The following RGL3 variants were observed in gnomAD, a reference collection of about 807,000 sequenced individuals.
RGL3 encodes the protein ral guanine nucleotide dissociation stimulator like 3, also known as ral guanine nucleotide dissociation stimulator-like 3.
A neutral mutation model predicts 90.6 loss-of-function variants in RGL3; 85 were observed. The observed-to-expected ratio is 0.94, with a 90% CI of 0.79 to 1.12. The LOEUF (loss-of-function observed/expected upper bound fraction) is 1.12, where lower values mean the gene tolerates loss of function less well. Among genes scored for constraint, RGL3 ranks in the 50% most tolerant of loss-of-function variants. The pLI is 0.00. For synonymous variants in RGL3, 408 were observed against 385.5 expected (o/e 1.06, Z -0.68); for missense variants, 1,034 against 939.2 (o/e 1.10, Z -1.32).
intron 5 of RGL3, chr19:11,408,733 G>A (rs1436336424): frequency 6.6e-6 from 1 of 152,198 alleles, no homozygotes; most frequent in East Asian, 1.9e-4. Context: ...GCCTCCAAAT[G>A]TATCTCCAGA....
At chr19:11,408,691 T>C (rs543275102) in intron 5 of RGL3, 4 of 152,324 alleles carry the variant, frequency 2.6e-5, no homozygotes, top group African/African-American at 9.6e-5. Flanking sequence ...AGGGGAAACT[T>C]TGGAAACTGG....
At chr19:11,414,519 A>ACC (rs1568342080) in intron 5 of RGL3, among the ~76,000 whole-genome samples, 119 of 105,412 alleles carry the variant, frequency 1.1e-3, no homozygotes, top group East Asian at 2.4e-3. Flanking sequence ...ATATATATAT[A>ACC]TATATATATA....
Position 11,397,437 on chromosome 19 carries a change from C to A in RGL3, c.1899+8G>T. On this transcript the variant is annotated splice_region_variant and intron_variant, in intron 17 of 18. Transcript: ENST00000380456. The stretch of plus-strand genomic sequence containing the variant: ...AGCCTCCAGCAGACCCCCAGCCCAG[C>A]CCCTCACCAAGATGCTTCGATACAG... The A allele has an allele frequency of 2.5e-6, 4 of 1,600,008 alleles. No homozygotes were observed. Among genetic ancestry groups the A allele is most frequent in the Non-Finnish European group, 2.6e-6 (3 of 1,171,290 alleles).
chr19:11,409,502 C>A (rs1219316989), intron 5 of RGL3, among the ~76,000 whole-genome samples: 2 of 151,204 alleles, frequency 1.3e-5, no homozygotes, highest in Non-Finnish European at 3.0e-5. Flanking sequence ...CAAAACAAAA[C>A]AAACAAACAA....
Position 11,405,232 on chromosome 19 carries a change from C to G in RGL3, c.1101-1G>C, listed in dbSNP as rs201101636. 20 of 1,614,032 alleles carry G rather than the reference C, an allele frequency of 1.2e-5. 1 individual carries two copies. In the Middle Eastern group the frequency reaches 4.9e-4, roughly 40 times the overall value. On this transcript the variant is annotated splice_acceptor_variant, in intron 8 of 18. Transcript: ENST00000380456. LOFTEE classifies it high-confidence loss of function. Reference sequence around the variant, plus strand: ...TTTCCTGAAAGTAGATAGCGGTTCCCTGGAAGGACAGGAGAAGGGTGGTCA... The same window carrying G: ...TTTCCTGAAAGTAGATAGCGGTTCCGTGGAAGGACAGGAGAAGGGTGGTCA...
intron 13 of RGL3, among the ~76,000 whole-genome samples, chr19:11,400,549 C>G (rs908663588): frequency 2.6e-5 from 4 of 151,840 alleles, no homozygotes; most frequent in Admixed American, 6.6e-5. Flanking sequence ...CAAATTGGGT[C>G]AGGATTAAAG....
At chr19:11,396,065 T>G (rs570090376) in intron 18 of RGL3, among the ~76,000 whole-genome samples, 1 of 133,274 alleles carries the variant, frequency 7.5e-6, no homozygotes, top group South Asian at 2.4e-4. Context: ...GTAGTTGGAG[T>G]TGGGAATACA....
intron 18 of RGL3, among the ~76,000 whole-genome samples, chr19:11,396,747 C>T (rs1452723932): frequency 6.6e-6 from 1 of 150,574 alleles, no homozygotes; most frequent in Non-Finnish European, 1.5e-5. Context: ...TCACTGCAAC[C>T]TCCGCCTCCC....
rs1430301032 is a variant in RGL3, at chr19:11,415,994, C to T, written c.580G>A (p.Asp194Asn). Residue 194 changes from aspartate (D) to asparagine (N), a missense_variant, in exon 5 of 19, where the codon GAT becomes AAT. Coordinates refer to ENST00000380456, the MANE Select transcript of RGL3 (RefSeq NM_001035223.4). ...EAQKAEKLLE[D>N]FLEEAEREQE... is the part of the protein sequence containing the mutation. ...TCTCGCTCAGCCTCCTCCAAAAAAT[C>T]TTCCAGAAGCTTCTCTGCTTTTTGA... 6.2e-7 allele frequency: 1 copy of T among 1,614,022 alleles called. No homozygotes were observed. Among genetic ancestry groups the T allele is most frequent in the Admixed American group, 1.7e-5 (1 of 59,968 alleles).
intron 18 of RGL3, among the ~76,000 whole-genome samples, chr19:11,396,556 T>C (rs1044592254): frequency 2.6e-5 from 4 of 151,848 alleles, no homozygotes; most frequent in African/African-American, 4.8e-5. Context: ...TCCACCCACC[T>C]TGACCTCCCA....
intron 10 of RGL3, 47 bp from the exon 11 acceptor site, chr19:11,402,588 T>C (rs1389445473): frequency 6.2e-7 from 1 of 1,609,272 alleles, no homozygotes; most frequent in Non-Finnish European, 8.5e-7. Context: ...ACTGACCCCA[T>C]CACCATCCAC....
At chr19:11,397,804 T>C (rs766213419) in intron 16 of RGL3, 5 of 412,970 alleles carry the variant, frequency 1.2e-5, no homozygotes, top group Non-Finnish European at 2.1e-5. Flanking sequence ...AGGTCGGGAG[T>C]TCAAGACCAG....
At position 11,416,951 on chromosome 19, in the gene RGL3, G is replaced by C; in HGVS notation, c.256C>G (p.Arg86Gly). ...RLVGELVFGDREQDPSFMPAF... is the reference protein window; with the variant it reads ...RLVGELVFGDGEQDPSFMPAF... The stretch of plus-strand genomic sequence containing the variant: ...GGCATGAAGCTGGGGTCCTGCTCAC[G>C]GTCTCCAAACACCAACTCTCCCACC... Residue 86 changes from arginine to glycine, a missense_variant, in exon 3 of 19, where the codon CGT (arginine) becomes GGT (glycine). Coordinates refer to ENST00000380456, the MANE Select transcript of RGL3 (RefSeq NM_001035223.4). 6.2e-7 allele frequency: 1 copy of C among 1,613,986 alleles called. No homozygotes were observed. Among genetic ancestry groups the C allele is most frequent in the Non-Finnish European group, 8.5e-7 (1 of 1,180,000 alleles).
At chr19:11,419,127 A>G in intron 1 of RGL3, 119 bp downstream of exon 1, 1 of 1,026,574 alleles carries the variant, frequency 9.7e-7, no homozygotes, top group African/African-American at 1.7e-5. Flanking sequence ...AGTCCCCAGG[A>G]GGGGACTCCA....
chr19:11,396,960 G>A (rs996233242), intron 18 of RGL3, among the ~76,000 whole-genome samples: 5 of 152,104 alleles, frequency 3.3e-5, no homozygotes, highest in African/African-American at 9.7e-5. Flanking sequence ...GAGCCACTGC[G>A]CCTGGCCGGA....
At chr19:11,412,309 T>C (rs1218313016) in intron 5 of RGL3, among the ~76,000 whole-genome samples, 1 of 151,072 alleles carries the variant, frequency 6.6e-6, no homozygotes, top group Non-Finnish European at 1.5e-5. Context: ...AGTAAGCCTG[T>C]TGTCAGACAT....
At chr19:11,416,216 C>CAT in intron 4 of RGL3, 68 bp from the exon 5 acceptor site, 1 of 628,364 alleles carries the variant, frequency 1.6e-6, no homozygotes. Context: ...CTCCTGGTAC[C>CAT]TTTTTTTTTT....
chr19:11,415,930 C>T lies in RGL3; in HGVS notation c.637+7G>A. ...TCAGAACACGACTGGATCTGAAAAC[C>T]CCTCACCTGTCCACACCTGAGGCGG... On this transcript the variant is annotated splice_region_variant and intron_variant, in intron 5 of 18. Transcript: ENST00000380456. 6.2e-7 allele frequency: 1 copy of T among 1,608,160 alleles called. No homozygotes were observed. The highest frequency in any genetic ancestry group is 8.5e-7 in the Non-Finnish European group (1 of 1,177,440).
chr19:11,410,211 G>T (rs553228977), intron 5 of RGL3, among the ~76,000 whole-genome samples: 41 of 150,252 alleles, frequency 2.7e-4, no homozygotes, highest in African/African-American at 8.6e-4. Context: ...ATGTTGGCCG[G>T]ACTGGTCTCG....
Sources: gnomAD v4.1 joint callset for allele counts (sites outside exome capture counted in the v4.1 genomes callset) on GRCh38, gnomAD v4.1.1 for gene constraint, MANE v1.5 for transcripts, NCBI Gene and HGNC (gene_info 2026-07-23, HGNC 2026-07-21) for gene names.